The following PITPNC1 variants were observed in gnomAD, a reference collection of about 807,000 sequenced individuals.
The protein encoded by PITPNC1 is phosphatidylinositol transfer protein cytoplasmic 1.
Under a neutral mutation model 44.7 loss-of-function variants are expected in PITPNC1, and 18 were observed. That is an observed-to-expected ratio of 0.40 (90% CI 0.28 to 0.60). The LOEUF (loss-of-function observed/expected upper bound fraction) is 0.60. PITPNC1 is among the 20% of genes least tolerant of loss of function. The probability of loss-of-function intolerance (pLI) is 0.39; values close to 1 mark genes in which losing one functional copy is unlikely to be tolerated. For synonymous variants in PITPNC1, 141 were observed against 149.6 expected (o/e 0.94, Z 0.42); for missense variants, 290 against 418.4 (o/e 0.69, Z 2.68).
Position 67,508,364 on chromosome 17 carries a change from A to T in PITPNC1, c.49-24438A>T, listed in dbSNP as rs2040134641. 6.6e-6 allele frequency among the ~76,000 whole-genome samples: 1 copy of T among 152,226 alleles called. No individual in the cohort carries two copies. The highest frequency in any genetic ancestry group is 2.1e-4 in the South Asian group (1 of 4,836). Reference sequence around the variant, plus strand: ...TGATGTGCTAAACAAGGGGTGGGTTATTCATGCCTACTCTTTTACACCATA... The same window carrying T: ...TGATGTGCTAAACAAGGGGTGGGTTTTTCATGCCTACTCTTTTACACCATA... On this transcript the variant is annotated intron_variant, in intron 1 of 8. Transcript: ENST00000581322. This position sits in a 1 kb window ranked among gnomAD's most constrained non-coding sequence, Gnocchi z 4.2.
chr17:67,459,599 T>C (rs2039307519), intron 1 of PITPNC1: 1 of 152,226 alleles, frequency 6.6e-6, no homozygotes, highest in African/African-American at 2.4e-5. Context: ...CATTCCTAGG[T>C]GTTTGTGGTG....
intron 4 of PITPNC1, among the ~76,000 whole-genome samples, chr17:67,575,380 G>A (rs2364951): frequency 0.68 from 103,394 of 151,924 alleles, 36,084 homozygotes; most frequent in Middle Eastern, 0.86. Flanking sequence ...ACAGCAGAGA[G>A]GGTGTTAATG....
At chr17:67,630,722 T>G (rs2144330084) in intron 5 of PITPNC1, among the ~76,000 whole-genome samples, 1 of 152,198 alleles carries the variant, frequency 6.6e-6, no homozygotes. Flanking sequence ...TTAGACTTTT[T>G]TTTTTTTTTG....
At chr17:67,438,842 A>G (rs1416464880) in intron 1 of PITPNC1, among the ~76,000 whole-genome samples, 1 of 152,202 alleles carries the variant, frequency 6.6e-6, no homozygotes, top group Non-Finnish European at 1.5e-5. Flanking sequence ...AAGTGCTGAA[A>G]AGAAAACTCC....
At chr17:67,434,754 A>G (rs1358897576) in intron 1 of PITPNC1, among the ~76,000 whole-genome samples, 1 of 150,960 alleles carries the variant, frequency 6.6e-6, no homozygotes, top group Non-Finnish European at 1.5e-5. Flanking sequence ...TGGAGGTTGC[A>G]GTGAGCTGTT....
In PITPNC1 at chr17:67,456,489, G is replaced by GT. The variant is rs370824401; in HGVS notation, c.49-76307dup. Among the ~76,000 whole-genome samples, 472 of 152,002 alleles carry GT rather than the reference G, an allele frequency of 3.1e-3. 3 individuals carry two copies. The highest frequency in any genetic ancestry group is 0.011 in the African/African-American group (458 of 41,456). ...GCTTTCTATTTCCCATACTTTTTCT[G>GT]TTTTTTCTCCATTTCCTGTCTCCTA... On this transcript the variant is annotated intron_variant, in intron 1 of 8. Coordinates refer to ENST00000581322, the MANE Select transcript of PITPNC1 (RefSeq NM_012417.4).
intron 5 of PITPNC1, among the ~76,000 whole-genome samples, chr17:67,623,858 T>A (rs2041863408): frequency 6.6e-6 from 1 of 152,226 alleles, no homozygotes. Flanking sequence ...TACATCGTGA[T>A]CTTGGTGGAT....
intron 6 of PITPNC1, among the ~76,000 whole-genome samples, chr17:67,655,465 C>G (rs2042253049): frequency 7.0e-6 from 1 of 142,140 alleles, no homozygotes; most frequent in South Asian, 2.2e-4. Flanking sequence ...GAGGCTGAGG[C>G]AGAAGAATGG....
chr17:67,441,609 G>A (rs1160825775), intron 1 of PITPNC1, among the ~76,000 whole-genome samples: 2 of 152,160 alleles, frequency 1.3e-5, no homozygotes, highest in Admixed American at 6.6e-5. Flanking sequence ...CTTCTAATCC[G>A]ATCACAGCTG....
At chr17:67,621,098 T>G (rs964134691) in intron 5 of PITPNC1, among the ~76,000 whole-genome samples, 1 of 152,194 alleles carries the variant, frequency 6.6e-6, no homozygotes, top group African/African-American at 2.4e-5. Context: ...CAAATAATCA[T>G]CTTGGACCCC....
At chr17:67,684,377 T>C (rs1314417780) in intron 8 of PITPNC1, among the ~76,000 whole-genome samples, 1 of 152,028 alleles carries the variant, frequency 6.6e-6, no homozygotes, top group Non-Finnish European at 1.5e-5. Context: ...CCTCCCAAAG[T>C]GCTGGGATTA....
At chr17:67,607,931 T>C (rs1170463185) in intron 5 of PITPNC1, among the ~76,000 whole-genome samples, 2 of 152,104 alleles carry the variant, frequency 1.3e-5, no homozygotes, top group African/African-American at 4.8e-5. Flanking sequence ...GGTTTCACCC[T>C]GTTGGCCAGG....
At chr17:67,596,860 G>A (rs1322152919) in intron 5 of PITPNC1, among the ~76,000 whole-genome samples, 1 of 151,718 alleles carries the variant, frequency 6.6e-6, no homozygotes, top group Non-Finnish European at 1.5e-5. Context: ...ATACTCCCTT[G>A]GGTTTGTTTT....
At chr17:67,619,417 G>A (rs986444627) in intron 5 of PITPNC1, among the ~76,000 whole-genome samples, 13 of 152,128 alleles carry the variant, frequency 8.5e-5, no homozygotes, top group South Asian at 2.1e-4. Flanking sequence ...TTTTTAATCG[G>A]CTCCCTCAAG....
chr17:67,439,122 A>C (rs1320131228), intron 1 of PITPNC1, among the ~76,000 whole-genome samples: 1 of 152,220 alleles, frequency 6.6e-6, no homozygotes, highest in Non-Finnish European at 1.5e-5. Context: ...TCTTTAATTC[A>C]GCCCAGAAGC....
chr17:67,661,896 G>A lies in PITPNC1; in HGVS notation c.463-7612G>A, dbSNP rs867597232. Among the ~76,000 whole-genome samples, 4 of 152,012 alleles carry A rather than the reference G, an allele frequency of 2.6e-5. No individual in the cohort carries two copies. In the South Asian group the frequency reaches 8.3e-4, roughly 32 times the overall value. ...CTGTCATCCAGTTACTTGGGAGGCTGAGGCGGAAGAATCGCTTGAACCCGG... is the reference window on the plus strand; with the variant it reads ...CTGTCATCCAGTTACTTGGGAGGCTAAGGCGGAAGAATCGCTTGAACCCGG... On this transcript the variant is annotated intron_variant, in intron 6 of 8. Transcript: ENST00000581322.
rs1336866382 is a variant in PITPNC1 at position 67,428,632 on chromosome 17, CT to C, written c.48+50432del. Among the ~76,000 whole-genome samples the C allele has an allele frequency of 4.6e-5, 7 of 151,682 alleles. No homozygotes were observed. In the East Asian group the frequency reaches 1.4e-3, roughly 29 times the overall value. ...GAGATTATAGATGATTTTAAACATT[CT>C]TCTTGATAATTTTCCTGTGTTTTAC... On this transcript the variant is annotated intron_variant, in intron 1 of 8. Coordinates refer to ENST00000581322, the MANE Select transcript of PITPNC1 (RefSeq NM_012417.4).
chr17:67,508,219 G>A lies in PITPNC1; in HGVS notation c.49-24583G>A, dbSNP rs2040132880. On this transcript the variant is annotated intron_variant, in intron 1 of 8. Coordinates refer to ENST00000581322, the MANE Select transcript of PITPNC1 (RefSeq NM_012417.4). The surrounding 1 kb of genome is among the most constrained non-coding windows in gnomAD (Gnocchi z 4.2). ...TGGATCTCAAGGAAGAAAGAATTCA[G>A]GTCGAGTCTACAAAGTGAAAGCAAG... Among the ~76,000 whole-genome samples, 1 of 152,132 alleles carries A rather than the reference G, an allele frequency of 6.6e-6. No homozygotes were observed. Among genetic ancestry groups the A allele is most frequent in the Non-Finnish European group, 1.5e-5 (1 of 68,020 alleles).
intron 1 of PITPNC1, among the ~76,000 whole-genome samples, chr17:67,424,085 CAAAAAAA>C (rs71139144): frequency 5.3e-5 from 4 of 76,120 alleles, no homozygotes; most frequent in African/African-American, 1.5e-4. Context: ...GAGACTGTCT[CAAAAAAA>C]AAAAAAAAAA....
Sources: allele counts gnomAD v4.1 joint callset (sites outside exome capture counted in the v4.1 genomes callset), GRCh38; gene constraint gnomAD v4.1.1; non-coding constraint Gnocchi (gnomAD v3.1); transcripts MANE v1.5; gene names NCBI Gene and HGNC (gene_info 2026-07-23, HGNC 2026-07-21).